PRRC1: variants seen among roughly 807,000 people sequenced by gnomAD.
The protein encoded by PRRC1 is proline rich coiled-coil 1, also known as protein PRRC1.
PRRC1 carries 39 observed loss-of-function variants against 40.7 expected under a neutral mutation model. The ratio of observed to expected loss-of-function variants is 0.96; its 90% CI spans 0.74 to 1.25. The LOEUF (loss-of-function observed/expected upper bound fraction) is 1.25, where lower values mean the gene tolerates loss of function less well. Ranked by LOEUF, PRRC1 falls within the 50% of genes most tolerant of loss-of-function variation. The pLI is 0.00. For synonymous variants in PRRC1, 175 were observed against 193.3 expected (o/e 0.91, Z 0.79); for missense variants, 573 against 548.3 (o/e 1.05, Z -0.45).
chr5:127,533,689 A>C lies in PRRC1; in HGVS notation c.824A>C (p.Asp275Ala). ...NKEVKVAAVR[D>A]AFQEVFGLAV... ...GAAGTAAAAGTTGCTGCTGTCCGAG[A>C]TGCCTTCCAGGAGGTCTTTGGCTTA... is the stretch of plus-strand genomic sequence containing the variant. The change falls in exon 6 of 9, where the codon GAT becomes GCT. Residue 275 changes from aspartate to alanine, a missense_variant. Coordinates refer to ENST00000296666, the MANE Select transcript of PRRC1 (RefSeq NM_130809.5). 6.2e-7 allele frequency: 1 copy of C among 1,614,138 alleles called. No homozygotes were observed. The highest frequency in any genetic ancestry group is 2.2e-5 in the East Asian group (1 of 44,872).
chr5:127,547,658 C>A (rs1258874080), intron 7 of PRRC1, among the ~76,000 whole-genome samples, 161 bp from the exon 8 acceptor site: 1 of 151,510 alleles, frequency 6.6e-6, no homozygotes, highest in African/African-American at 2.4e-5. Context: ...GTAATTTTAT[C>A]TGTTGTTTTT....
At position 127,547,810 on chromosome 5, in the gene PRRC1, C is replaced by G; in HGVS notation, c.1026-9C>G. ...TATAAACCATTTGAAACTCGTAATT[C>G]TGTTGCAGATGGTTTGACATTGGTT... On this transcript the variant is annotated splice_polypyrimidine_tract_variant and intron_variant, in intron 7 of 8. Transcript: ENST00000296666. 6.3e-7 allele frequency: 1 copy of G among 1,595,418 alleles called. No homozygotes were observed. The highest frequency in any genetic ancestry group is 8.6e-7 in the Non-Finnish European group (1 of 1,165,446).
intron 7 of PRRC1, among the ~76,000 whole-genome samples, chr5:127,543,705 C>G (rs1339853924): frequency 6.6e-6 from 1 of 152,194 alleles, no homozygotes; most frequent in African/African-American, 2.4e-5. Flanking sequence ...AGTTCTCGAG[C>G]CTTGGCTTTC....
Position 127,554,021 on chromosome 5 carries a change from T to A in PRRC1, c.*2105T>A. 1 of 913,152 alleles carries A rather than the reference T, an allele frequency of 1.1e-6. No individual in the cohort carries two copies. Among genetic ancestry groups the A allele is most frequent in the Non-Finnish European group, 1.6e-6 (1 of 631,814 alleles). The allele number at this position is 913,152 out of a possible 1,614,324, so 56.6% of individuals were successfully genotyped here. ...TTTTTGAAAAGCAGCGGAGCATGAC[T>A]GACTTCACATGCTCAGCTTTCTCAG... On this transcript the variant is annotated 3_prime_UTR_variant, in exon 9 of 9. Transcript: ENST00000296666.
At chr5:127,533,827 ATTT>A in intron 6 of PRRC1, 41 bp downstream of exon 6, 1 of 1,599,602 alleles carries the variant, frequency 6.3e-7, no homozygotes, top group South Asian at 1.1e-5. Context: ...GGAAACTGGC[ATTT>A]AATTTTTTCA....
At chr5:127,520,220 A>G (rs1309259230) in intron 1 of PRRC1, among the ~76,000 whole-genome samples, 1 of 152,212 alleles carries the variant, frequency 6.6e-6, no homozygotes, top group African/African-American at 2.4e-5. Context: ...AATGTCTTGG[A>G]CATTGCCAAG....
In PRRC1 at chr5:127,531,617, CTTTTT is replaced by C. The variant is rs60179366; in HGVS notation, c.757+1240_757+1244del. ...GCCAGGTGTTTTTATTCTTCTTCTT[CTTTTT>C]TTTTTTTTTTTTTTTTTTGAGACAG... On this transcript the variant is annotated intron_variant, in intron 5 of 8. Transcript: ENST00000296666. Among the ~76,000 whole-genome samples, 217 of 99,626 alleles carry C rather than the reference CTTTTT, an allele frequency of 2.2e-3. 1 individual carries two copies. Among genetic ancestry groups the C allele is most frequent in the South Asian group, 3.0e-3 (9 of 2,982 alleles). 65.4% of individuals were successfully genotyped at this position (99,626 alleles called of 152,430 possible). A position where few individuals can be genotyped will look rare whatever the true frequency, so the allele number is the denominator to read the frequency against.
In PRRC1 at chr5:127,533,666, A is replaced by G; in HGVS notation, c.801A>G (p.Glu267=). ...ELDIVVTSNK[E]VKVAAVRDAF... is the part of the protein sequence containing the mutation. ...ATATTGTAGTGACCTCAAATAAAGA[A>G]GTAAAAGTTGCTGCTGTCCGAGATG... The change falls in exon 6 of 9, where the codon GAA becomes GAG. Residue 267 remains glutamate (E), a synonymous_variant. Transcript: ENST00000296666. 6.2e-7 allele frequency: 1 copy of G among 1,614,138 alleles called. No individual in the cohort carries two copies. Among genetic ancestry groups the G allele is most frequent in the Non-Finnish European group, 8.5e-7 (1 of 1,179,984 alleles).
At chr5:127,532,987 GTTGT>G (rs1346873380) in intron 5 of PRRC1, among the ~76,000 whole-genome samples, 10 of 151,846 alleles carry the variant, frequency 6.6e-5, no homozygotes, top group Admixed American at 2.0e-4. Flanking sequence ...TAGTACTTAG[GTTGT>G]TTAAGTAATT....
intron 7 of PRRC1, among the ~76,000 whole-genome samples, chr5:127,540,477 C>A (rs934437113): frequency 3.3e-5 from 5 of 151,992 alleles, no homozygotes; most frequent in Admixed American, 6.6e-5. Context: ...TTCTTTCTTG[C>A]ATTTCTGTTT....
intron 4 of PRRC1, among the ~76,000 whole-genome samples, 187 bp from the exon 5 acceptor site, chr5:127,530,107 G>GA (rs977616949): frequency 3.3e-5 from 5 of 151,584 alleles, no homozygotes; most frequent in African/African-American, 1.2e-4. Context: ...GCTGAGTCAG[G>GA]AAAAAAAATT....
chr5:127,549,633 C>T (rs1311871431), intron 8 of PRRC1: 1 of 152,174 alleles, frequency 6.6e-6, no homozygotes, highest in Non-Finnish European at 1.5e-5. Context: ...TATGAGGATG[C>T]TCCTGTCACT....
chr5:127,521,572 T>G (rs192144128), intron 1 of PRRC1, among the ~76,000 whole-genome samples: 5 of 152,338 alleles, frequency 3.3e-5, no homozygotes, highest in Admixed American at 1.3e-4. Context: ...AAAATTGCCT[T>G]GCTGAGAAAA....
chr5:127,533,658 A>G lies in PRRC1; in HGVS notation c.793A>G (p.Asn265Asp), dbSNP rs1181392419. 1.2e-6 allele frequency: 2 copies of G among 1,614,108 alleles called. No individual in the cohort carries two copies. Among genetic ancestry groups the G allele is most frequent in the East Asian group, 2.2e-5 (1 of 44,870 alleles). ...TGAACTGGATATTGTAGTGACCTCA[A>G]ATAAAGAAGTAAAAGTTGCTGCTGT... ...GGELDIVVTS[N>D]KEVKVAAVRD... is the part of the protein sequence containing the mutation. Residue 265 changes from asparagine to aspartate, a missense_variant, in exon 6 of 9, where the codon AAT becomes GAT. Physicochemically the swap from Asn to Asp is conservative, Grantham distance 23 (BLOSUM62 1). Transcript: ENST00000296666.
intron 6 of PRRC1, among the ~76,000 whole-genome samples, chr5:127,538,104 A>G (rs1032224261): frequency 2.6e-5 from 4 of 151,920 alleles, no homozygotes; most frequent in African/African-American, 7.2e-5. Flanking sequence ...TGTACTTTAA[A>G]TCCTATCATC....
intron 6 of PRRC1, among the ~76,000 whole-genome samples, chr5:127,538,279 T>C (rs1049962383): frequency 2.1e-4 from 32 of 152,088 alleles, no homozygotes; most frequent in African/African-American, 7.2e-4. Context: ...TAATCTGATA[T>C]TGTCTGTTTA....
chr5:127,538,416 A>G (rs1211792971), intron 6 of PRRC1, among the ~76,000 whole-genome samples: 5 of 152,236 alleles, frequency 3.3e-5, no homozygotes, highest in African/African-American at 1.2e-4. Context: ...TAAAAGCAAT[A>G]AACAGAAACC....
At chr5:127,548,931 A>ATTTTT (rs1424868332) in intron 8 of PRRC1, 5 of 152,160 alleles carry the variant, frequency 3.3e-5, no homozygotes, top group Non-Finnish European at 7.4e-5. Flanking sequence ...TATGAAGGTG[A>ATTTTT]TTAAAAGACT....
At chr5:127,525,567 T>C (rs931812718) in intron 3 of PRRC1, among the ~76,000 whole-genome samples, 6 of 152,230 alleles carry the variant, frequency 3.9e-5, no homozygotes, top group Non-Finnish European at 8.8e-5. Flanking sequence ...ACATGGTAAT[T>C]CTACACCAAA....
Sources: allele counts gnomAD v4.1 joint callset (sites outside exome capture counted in the v4.1 genomes callset), GRCh38; gene constraint gnomAD v4.1.1; transcripts MANE v1.5; gene names NCBI Gene and HGNC (gene_info 2026-07-23, HGNC 2026-07-21).